GPC6: variants seen among roughly 807,000 people sequenced by gnomAD.
GPC6 encodes glypican-6.
Under a neutral mutation model 55.2 loss-of-function variants are expected in GPC6, and 14 were observed. The ratio of observed to expected loss-of-function variants is 0.25; its 90% CI spans 0.17 to 0.40. The LOEUF (loss-of-function observed/expected upper bound fraction) is 0.40. Ranked by LOEUF, GPC6 falls within the 10% of genes least tolerant of loss-of-function variation. GPC6 has a pLI of 1.00. For synonymous variants in GPC6, 278 were observed against 259.6 expected, an observed-to-expected ratio of 1.07 and a Z score of -0.68; for missense variants, 641 against 708.5, an observed-to-expected ratio of 0.90 and a Z score of 1.08.
chr13:93,236,318 G>T (rs1266505168), intron 1 of GPC6, among the ~76,000 whole-genome samples: 1 of 152,074 alleles, frequency 6.6e-6, no homozygotes, highest in African/African-American at 2.4e-5. Flanking sequence ...TGAGCTTTTA[G>T]CGTACCTGTC....
chr13:93,919,003 G>C (rs1459219143), intron 3 of GPC6, among the ~76,000 whole-genome samples: 1 of 152,172 alleles, frequency 6.6e-6, no homozygotes. Context: ...GTGGTGATTG[G>C]ATCATGGGAC....
At chr13:94,193,384 G>T (rs977290571) in intron 4 of GPC6, among the ~76,000 whole-genome samples, 1 of 152,076 alleles carries the variant, frequency 6.6e-6, no homozygotes, top group African/African-American at 2.4e-5. Flanking sequence ...TTCAAATGCC[G>T]CTAATGTAAT....
At chr13:94,300,269 T>A (rs1875579057) in intron 5 of GPC6, among the ~76,000 whole-genome samples, 1 of 152,030 alleles carries the variant, frequency 6.6e-6, no homozygotes, top group Non-Finnish European at 1.5e-5. Flanking sequence ...ATGAAGAAGA[T>A]AAAGAAGATA....
chr13:93,492,595 G>A (rs1270177135), intron 1 of GPC6, among the ~76,000 whole-genome samples: 1 of 148,032 alleles, frequency 6.8e-6, no homozygotes, highest in African/African-American at 2.5e-5. Context: ...TCCCTGTCTT[G>A]TGCCAGTTTT....
At chr13:94,141,845 G>T (rs1422821676) in intron 4 of GPC6, among the ~76,000 whole-genome samples, 1 of 152,048 alleles carries the variant, frequency 6.6e-6, no homozygotes, top group African/African-American at 2.4e-5. Context: ...TGAATAAAGG[G>T]GAAGAACCAA....
At chr13:94,123,578 T>C (rs998717522) in intron 4 of GPC6, among the ~76,000 whole-genome samples, 4 of 152,082 alleles carry the variant, frequency 2.6e-5, no homozygotes, top group Non-Finnish European at 4.4e-5. Context: ...AATATCATCA[T>C]GAGATAACAT....
chr13:94,381,495 C>T (rs945159461), intron 6 of GPC6, among the ~76,000 whole-genome samples: 1 of 152,112 alleles, frequency 6.6e-6, no homozygotes, highest in Non-Finnish European at 1.5e-5. Context: ...TTTTTATCAG[C>T]ACATATCATA....
intron 4 of GPC6, among the ~76,000 whole-genome samples, chr13:94,242,161 A>G (rs1439320207): frequency 6.6e-6 from 1 of 151,826 alleles, no homozygotes; most frequent in Non-Finnish European, 1.5e-5. Context: ...GAGTGAGAAC[A>G]TGCGGTGTTT....
chr13:94,400,739 A>G (rs1481406996), intron 8 of GPC6, among the ~76,000 whole-genome samples: 1 of 152,204 alleles, frequency 6.6e-6, no homozygotes, highest in Non-Finnish European at 1.5e-5. Flanking sequence ...TCAACAGAGC[A>G]TCACCACTTC....
chr13:93,981,610 A>G (rs1156651130), intron 3 of GPC6, among the ~76,000 whole-genome samples: 2 of 152,182 alleles, frequency 1.3e-5, no homozygotes, highest in African/African-American at 2.4e-5. Context: ...GCTGCTCATT[A>G]CTATATCCTG....
chr13:93,841,896 A>G (rs972751333), intron 3 of GPC6, among the ~76,000 whole-genome samples: 3 of 152,194 alleles, frequency 2.0e-5, no homozygotes, highest in Non-Finnish European at 4.4e-5. Context: ...TGGCAATCAA[A>G]AAGTACATTC....
intron 4 of GPC6, among the ~76,000 whole-genome samples, chr13:94,240,670 G>A (rs954446281): frequency 1.3e-5 from 2 of 152,072 alleles, no homozygotes; most frequent in Non-Finnish European, 2.9e-5. Flanking sequence ...AAGTCATACA[G>A]GTAGTATTTC....
At chr13:93,636,135 T>C (rs574491164) in intron 2 of GPC6, among the ~76,000 whole-genome samples, 1 of 152,304 alleles carries the variant, frequency 6.6e-6, no homozygotes, top group East Asian at 1.9e-4. Context: ...AAAAGTGTTG[T>C]AAAGGTTGTT....
rs180954733 is a variant in GPC6, at chr13:94,074,825, T to C, written c.877+46931T>C. 3.8e-3 allele frequency among the ~76,000 whole-genome samples: 576 copies of C among 152,340 alleles called. 3 individuals carry two copies. The highest frequency in any genetic ancestry group is 0.013 in the African/African-American group (552 of 41,586). On this transcript the variant is annotated intron_variant, in intron 4 of 8. Transcript: ENST00000377047. Reference sequence around the variant, plus strand: ...TATCTCCTCATCATTTATGTATTCTTTCCTTAGTTAAATGTTGATTAGATC... The same window carrying C: ...TATCTCCTCATCATTTATGTATTCTCTCCTTAGTTAAATGTTGATTAGATC...
chr13:93,444,563 C>T (rs1008572550), intron 1 of GPC6, among the ~76,000 whole-genome samples: 7 of 152,104 alleles, frequency 4.6e-5, no homozygotes, highest in African/African-American at 1.2e-4. Context: ...GCTGAGATCG[C>T]GCCACTGCAC....
intron 1 of GPC6, among the ~76,000 whole-genome samples, chr13:93,543,022 C>T (rs1305018032): frequency 1.3e-5 from 2 of 152,128 alleles, no homozygotes; most frequent in East Asian, 1.9e-4. Context: ...TTATTTCCTT[C>T]TGCTGCCTGA....
chr13:94,294,987 C>T (rs2139097280), intron 5 of GPC6, among the ~76,000 whole-genome samples: 1 of 152,242 alleles, frequency 6.6e-6, no homozygotes, highest in East Asian at 1.9e-4. Context: ...AGAAGCAGTA[C>T]ATTGTGCTGA....
chr13:93,690,399 T>G (rs375415805), intron 2 of GPC6, among the ~76,000 whole-genome samples: 8 of 152,198 alleles, frequency 5.3e-5, no homozygotes, highest in African/African-American at 1.9e-4. Flanking sequence ...CCCTGGCAGC[T>G]GAGATGCTCT....
At chr13:94,115,469 A>G (rs1232263661) in intron 4 of GPC6, among the ~76,000 whole-genome samples, 1 of 152,110 alleles carries the variant, frequency 6.6e-6, no homozygotes, top group African/African-American at 2.4e-5. Flanking sequence ...TTTTTCTTTC[A>G]TTCAACCTGA....
Sources: gnomAD v4.1 joint callset for allele counts (sites outside exome capture counted in the v4.1 genomes callset) on GRCh38, gnomAD v4.1.1 for gene constraint, MANE v1.5 for transcripts, NCBI Gene and HGNC (gene_info 2026-07-23, HGNC 2026-07-21) for gene names.